The following ZNF385D variants were observed in gnomAD, a reference collection of about 807,000 sequenced individuals.
ZNF385D encodes the protein zinc finger protein 385D, also known as zinc finger protein 659.
In ZNF385D, 15 loss-of-function variants were observed where a neutral mutation model predicts 35.8. That is an observed-to-expected ratio of 0.42 (90% CI 0.28 to 0.64). The LOEUF (loss-of-function observed/expected upper bound fraction) is 0.64. Among genes scored for constraint, ZNF385D ranks in the 30% least tolerant of loss-of-function variants. The pLI is 0.23. For synonymous variants in ZNF385D, 212 were observed against 186.8 expected, an observed-to-expected ratio of 1.13 and a Z score of -1.10; for missense variants, 474 against 494.6, an observed-to-expected ratio of 0.96 and a Z score of 0.39.
rs146132914 is a variant in ZNF385D at position 22,295,734 on chromosome 3, T to C, written c.106+76716A>G. Among the ~76,000 whole-genome samples the C allele has an allele frequency of 3.0e-4, 46 of 152,210 alleles. 1 individual carries two copies. The East Asian group carries it at 8.3e-3, about 28-fold the overall frequency. On this transcript the variant is annotated intron_variant, in intron 2 of 5. Coordinates refer to the ZNF385D transcript ENST00000494108. The stretch of plus-strand genomic sequence containing the variant: ...CACCTCATAGTCTGACTTCGGATGT[T>C]TTAGGCACAAATTTAATATTTTTTA...
chr3:21,869,069 G>A (rs897069625), intron 3 of ZNF385D, among the ~76,000 whole-genome samples: 11 of 152,034 alleles, frequency 7.2e-5, no homozygotes, highest in African/African-American at 1.4e-4. Context: ...AACTTACAGC[G>A]TCGGTTTTCC....
At chr3:22,030,766 A>T (rs1208012061) in intron 3 of ZNF385D, among the ~76,000 whole-genome samples, 1 of 152,108 alleles carries the variant, frequency 6.6e-6, no homozygotes, top group Non-Finnish European at 1.5e-5. Flanking sequence ...ACATTCCTCT[A>T]AAGTCTTAAC....
chr3:22,086,738 GA>G (rs1296143675), intron 3 of ZNF385D, among the ~76,000 whole-genome samples: 2 of 152,152 alleles, frequency 1.3e-5, no homozygotes, highest in Non-Finnish European at 2.9e-5. Context: ...ATACACCATG[GA>G]ATACTATGCA....
intron 2 of ZNF385D, among the ~76,000 whole-genome samples, chr3:22,266,991 A>G (rs894830131): frequency 6.6e-6 from 1 of 151,952 alleles, no homozygotes; most frequent in African/African-American, 2.4e-5. Context: ...AATATTCCCA[A>G]TATCCAGAGT....
At chr3:22,302,971 A>C (rs1360071981) in intron 2 of ZNF385D, among the ~76,000 whole-genome samples, 1 of 152,078 alleles carries the variant, frequency 6.6e-6, no homozygotes, top group Non-Finnish European at 1.5e-5. Context: ...GAAACGTGTA[A>C]AATTTTAACT....
chr3:21,784,999 G>A (rs906778609), intron 3 of ZNF385D, among the ~76,000 whole-genome samples: 7 of 151,988 alleles, frequency 4.6e-5, no homozygotes, highest in South Asian at 2.1e-4. Context: ...TCTGAGGCAG[G>A]TACTCACTCA....
chr3:22,033,911 T>C (rs76533434), intron 3 of ZNF385D, among the ~76,000 whole-genome samples: 4,172 of 152,194 alleles, frequency 0.027, 211 homozygotes, highest in African/African-American at 0.096. Flanking sequence ...ACCCAGTACT[T>C]TCCTTGTTTT....
At chr3:21,964,120 C>T (rs1377915930) in intron 3 of ZNF385D, among the ~76,000 whole-genome samples, 1 of 151,904 alleles carries the variant, frequency 6.6e-6, no homozygotes, top group Non-Finnish European at 1.5e-5. Flanking sequence ...TCTAATACAA[C>T]TGGCCCACAA....
chr3:21,774,847 AT>A (rs2071222236), intron 3 of ZNF385D, among the ~76,000 whole-genome samples: 1 of 151,836 alleles, frequency 6.6e-6, no homozygotes, highest in Non-Finnish European at 1.5e-5. Flanking sequence ...TGTTTATAAT[AT>A]TTTTGAAACA....
Position 21,620,388 on chromosome 3 carries a change from T to G in ZNF385D, c.165+44498A>C, listed in dbSNP as rs9879762. Among the ~76,000 whole-genome samples, 1,055 of 152,206 alleles carry G rather than the reference T, an allele frequency of 6.9e-3. 11 individuals carry two copies. The highest frequency in any genetic ancestry group is 0.024 in the African/African-American group (1,001 of 41,536). On this transcript the variant is annotated intron_variant, in intron 2 of 7. Transcript: ENST00000281523. ...CTCTGCCCCCATCTCCTAAATCCCC[T>G]CTTAGTGGTTCTTTTCAGTGAAGAG...
chr3:22,287,020 A>G (rs560881582), intron 2 of ZNF385D, among the ~76,000 whole-genome samples: 1 of 150,496 alleles, frequency 6.6e-6, no homozygotes, highest in Non-Finnish European at 1.5e-5. Flanking sequence ...ATCCCTTCAT[A>G]TATTTTAATA....
chr3:21,793,347 G>A (rs2072007220), intron 3 of ZNF385D, among the ~76,000 whole-genome samples: 1 of 152,166 alleles, frequency 6.6e-6, no homozygotes, highest in Admixed American at 6.5e-5. Context: ...TTATAAACCA[G>A]AAAAGTCAGC....
intron 3 of ZNF385D, among the ~76,000 whole-genome samples, chr3:21,535,872 G>T (rs903506825): frequency 6.6e-6 from 1 of 151,902 alleles, no homozygotes; most frequent in Non-Finnish European, 1.5e-5. Context: ...CCATCCCATC[G>T]CTAGTCACCC....
chr3:22,324,450 GA>G (rs1694583801), intron 2 of ZNF385D, among the ~76,000 whole-genome samples: 6 of 152,004 alleles, frequency 3.9e-5, no homozygotes, highest in Admixed American at 3.9e-4. Flanking sequence ...ATTTAGAATA[GA>G]AGTCCATTTA....
At chr3:21,972,114 T>C (rs1703296386) in intron 3 of ZNF385D, among the ~76,000 whole-genome samples, 1 of 151,950 alleles carries the variant, frequency 6.6e-6, no homozygotes, top group Admixed American at 6.5e-5. Flanking sequence ...GGACCCAATA[T>C]ATATTTATTA....
intron 2 of ZNF385D, among the ~76,000 whole-genome samples, chr3:22,305,422 A>C (rs1703151456): frequency 6.6e-6 from 1 of 152,212 alleles, no homozygotes; most frequent in Non-Finnish European, 1.5e-5. Context: ...GCAGTGACAA[A>C]CAACCTCAAA....
chr3:22,260,337 G>C (rs183145500), intron 2 of ZNF385D, among the ~76,000 whole-genome samples: 17 of 151,970 alleles, frequency 1.1e-4, no homozygotes, highest in Non-Finnish European at 2.1e-4. Context: ...TCACACACCA[G>C]GGCCTGTTGG....
chr3:21,483,931 T>C (rs929740379), intron 4 of ZNF385D, among the ~76,000 whole-genome samples: 62 of 152,158 alleles, frequency 4.1e-4, no homozygotes, highest in African/African-American at 1.4e-3. Context: ...TTTTTTTCTC[T>C]TACGGATCAT....
At chr3:21,427,963 A>G (rs1158968139) in intron 5 of ZNF385D, among the ~76,000 whole-genome samples, 1 of 152,122 alleles carries the variant, frequency 6.6e-6, no homozygotes, top group African/African-American at 2.4e-5. Flanking sequence ...ATAACTATTG[A>G]GTCTAGGGTT....
Sources: allele counts gnomAD v4.1 joint callset (sites outside exome capture counted in the v4.1 genomes callset), GRCh38; gene constraint gnomAD v4.1.1; transcripts MANE v1.5; gene names NCBI Gene and HGNC (gene_info 2026-07-23, HGNC 2026-07-21).